Variants in WDR64 observed in about 807,000 individuals in gnomAD.
WDR64 encodes the protein WD repeat domain 64, also known as WD repeat-containing protein 64.
WDR64 carries 112 observed loss-of-function variants against 139.3 expected under a neutral mutation model. The observed-to-expected ratio is 0.80, with a 90% confidence interval of 0.69 to 0.94. The LOEUF is 0.94. Ranked by LOEUF, WDR64 falls within the 40% of genes least tolerant of loss-of-function variation. The pLI is 0.00. For synonymous variants in WDR64, 444 were observed against 437.7 expected (o/e 1.01, Z -0.18); for missense variants, 1,206 against 1,293.1 (o/e 0.93, Z 1.03).
At chr1:241,713,353 G>T (rs1450487140) in intron 9 of WDR64, among the ~76,000 whole-genome samples, 1 of 101,372 alleles carries the variant, frequency 9.9e-6, no homozygotes, top group Non-Finnish European at 2.2e-5. Context: ...GGGAGGGAGG[G>T]AGGGACAGAG....
rs377234840 is a variant in WDR64, at chr1:241,679,602, T to A, written c.624+7T>A. 186 of 1,550,102 alleles carry A rather than the reference T, an allele frequency of 1.2e-4. 1 individual carries two copies. The African/African-American group carries it at 2.1e-3, about 17-fold the overall frequency. ...AGCTCAAGGGAGCAGCCAGGTATTGTGCCAAGAGAAATACTCAAAGAAATG... is the reference window on the plus strand; with the variant it reads ...AGCTCAAGGGAGCAGCCAGGTATTGAGCCAAGAGAAATACTCAAAGAAATG... On this transcript the variant is annotated splice_region_variant and intron_variant, in intron 6 of 27. Transcript: ENST00000437684.
chr1:241,702,622 G>C (rs985709897), intron 8 of WDR64, among the ~76,000 whole-genome samples: 4 of 152,160 alleles, frequency 2.6e-5, no homozygotes, highest in African/African-American at 9.7e-5. Flanking sequence ...TGCATCTAGA[G>C]CAGGGATTAG....
chr1:241,688,374 C>A (rs1051478156), intron 8 of WDR64, among the ~76,000 whole-genome samples: 1 of 152,026 alleles, frequency 6.6e-6, no homozygotes, highest in East Asian at 1.9e-4. Flanking sequence ...ACACAATTCT[C>A]TAAATTTACT....
intron 10 of WDR64, among the ~76,000 whole-genome samples, chr1:241,728,374 C>T (rs1029324617): frequency 2.0e-5 from 3 of 150,898 alleles, no homozygotes; most frequent in African/African-American, 7.3e-5. Flanking sequence ...TAGGCACATA[C>T]ATGTTTTTGG....
chr1:241,692,028 T>G (rs867790559), intron 8 of WDR64, among the ~76,000 whole-genome samples: 2 of 113,740 alleles, frequency 1.8e-5, no homozygotes, highest in African/African-American at 3.2e-5. Flanking sequence ...AATAAAAAAA[T>G]AAAAAAAAAA....
chr1:241,727,397 A>G (rs1023946369), intron 10 of WDR64, among the ~76,000 whole-genome samples: 22 of 152,166 alleles, frequency 1.4e-4, no homozygotes, highest in Admixed American at 2.0e-4. Context: ...AAATGTAATG[A>G]GTGTATTAAG....
intron 9 of WDR64, among the ~76,000 whole-genome samples, chr1:241,713,413 GGGAAGGA>G (rs1668265571): frequency 9.1e-6 from 1 of 109,814 alleles, no homozygotes; most frequent in African/African-American, 3.2e-5. Flanking sequence ...GAGGGAGGAA[GGGAAGGA>G]AGGGAAGGAA....
intron 11 of WDR64, 22 bp from the exon 12 acceptor site, chr1:241,741,494 G>A (rs1449716141): frequency 6.4e-7 from 1 of 1,572,540 alleles, no homozygotes; most frequent in South Asian, 1.2e-5. Context: ...GCATATTTAT[G>A]AGATTCTTAC....
intron 8 of WDR64, 65 bp downstream of exon 8, chr1:241,687,660 C>G (rs1180628930): frequency 2.1e-5 from 31 of 1,469,148 alleles, no homozygotes; most frequent in Non-Finnish European, 2.7e-5. Flanking sequence ...ATGATAAAAC[C>G]ATGACAGCTT....
intron 8 of WDR64, among the ~76,000 whole-genome samples, chr1:241,697,709 C>T (rs7412804): frequency 0.069 from 10,466 of 152,192 alleles, 527 homozygotes; most frequent in East Asian, 0.21. Context: ...TTTTAACTTC[C>T]GAGAAGAGTA....
chr1:241,736,474 A>T (rs576129904), intron 10 of WDR64, among the ~76,000 whole-genome samples: 1 of 152,070 alleles, frequency 6.6e-6, no homozygotes, highest in African/African-American at 2.4e-5. Flanking sequence ...TTGAGAGGAA[A>T]TTGCAGATGA....
intron 19 of WDR64, among the ~76,000 whole-genome samples, chr1:241,772,527 A>C (rs6429309): frequency 7.9e-6 from 1 of 126,830 alleles, no homozygotes; most frequent in Non-Finnish European, 1.6e-5. Context: ...TAGTAGTGCC[A>C]TCTCAGCTCA....
At chr1:241,715,661 A>G (rs1405687554) in intron 9 of WDR64, among the ~76,000 whole-genome samples, 1 of 152,218 alleles carries the variant, frequency 6.6e-6, no homozygotes, top group African/African-American at 2.4e-5. Flanking sequence ...CTAATGTGAA[A>G]TTTGATTCTA....
chr1:241,672,208 G>A (rs1666260137), intron 3 of WDR64, among the ~76,000 whole-genome samples: 1 of 152,030 alleles, frequency 6.6e-6, no homozygotes, highest in Non-Finnish European at 1.5e-5. Flanking sequence ...AAGGCTTTGT[G>A]AGCCAAACCC....
chr1:241,652,652 A>C, intron 1 of WDR64, 23 bp downstream of exon 1: 1 of 1,550,040 alleles, frequency 6.5e-7, no homozygotes, highest in East Asian at 2.4e-5. Flanking sequence ...ATTACACGAT[A>C]GTCCAATTGG....
intron 8 of WDR64, among the ~76,000 whole-genome samples, chr1:241,688,507 C>T (rs1336748937): frequency 6.6e-6 from 1 of 152,166 alleles, no homozygotes; most frequent in Non-Finnish European, 1.5e-5. Context: ...AGACTCCTGG[C>T]TGCCTTCCAG....
At chr1:241,667,897 A>G (rs1459557764) in intron 2 of WDR64, among the ~76,000 whole-genome samples, 1 of 152,228 alleles carries the variant, frequency 6.6e-6, no homozygotes, top group African/African-American at 2.4e-5. Flanking sequence ...TTCAGCAGCA[A>G]TAGAAAACTA....
chr1:241,652,719 T>TA, intron 1 of WDR64, 90 bp downstream of exon 1: 1 of 1,453,002 alleles, frequency 6.9e-7, no homozygotes, highest in Non-Finnish European at 9.2e-7. Flanking sequence ...CATCAGAGCT[T>TA]AATGTGAAAG....
At chr1:241,687,068 G>T (rs192261729) in intron 7 of WDR64, among the ~76,000 whole-genome samples, 36 of 152,274 alleles carry the variant, frequency 2.4e-4, no homozygotes, top group African/African-American at 8.4e-4. Context: ...ACTTTGGGAG[G>T]CCGAGGCAGG....
Sources: allele counts gnomAD v4.1 joint callset (sites outside exome capture counted in the v4.1 genomes callset), GRCh38; gene constraint gnomAD v4.1.1; transcripts MANE v1.5; gene names NCBI Gene and HGNC (gene_info 2026-07-23, HGNC 2026-07-21).